CFHR3: variants seen among roughly 807,000 people sequenced by gnomAD.
CFHR3 encodes the protein complement factor H-related protein 3.
Under a neutral mutation model 36.0 loss-of-function variants are expected in CFHR3, and 22 were observed. That is an observed-to-expected ratio of 0.61 (90% CI 0.44 to 0.87). CFHR3 has a LOEUF of 0.87. Ranked by LOEUF, CFHR3 falls within the 40% of genes least tolerant of loss-of-function variation. CFHR3 has a pLI of 0.00. For missense variants in CFHR3, 276 were observed against 401.3 expected, an observed-to-expected ratio of 0.69 and a Z score of 2.67; for synonymous variants, 97 against 137.4, an observed-to-expected ratio of 0.71 and a Z score of 2.06.
intron 3 of CFHR3, 116 bp downstream of exon 3, chr1:196,780,089 C>A: frequency 7.6e-7 from 1 of 1,319,928 alleles, no homozygotes; most frequent in South Asian, 1.4e-5. Context: ...CTTGTTTTGC[C>A]AACGGACCTA....
chr1:196,793,818 C>A lies in CFHR3; in HGVS notation c.*305C>A. 4.6e-6 allele frequency: 1 copy of A among 217,262 alleles called. No homozygotes were observed. The highest frequency in any genetic ancestry group is 8.7e-6 in the Non-Finnish European group (1 of 115,064). The allele number at this position is 217,262 out of a possible 1,614,324, so 13.5% of individuals were successfully genotyped here. A position where few individuals can be genotyped will look rare whatever the true frequency, so the allele number is the denominator to read the frequency against. Reference sequence around the variant, plus strand: ...GGCTTTCTGCATATTGTATAGTATACCTAGACATAGAAACAAAATGACTTT... The same window carrying A: ...GGCTTTCTGCATATTGTATAGTATAACTAGACATAGAAACAAAATGACTTT... On this transcript the variant is annotated 3_prime_UTR_variant, in exon 6 of 6. Coordinates refer to ENST00000367425, the MANE Select transcript of CFHR3 (RefSeq NM_021023.6).
rs1211795836 is a variant in CFHR3, at chr1:196,787,048, T to A, written c.431-1168T>A. Among the ~76,000 whole-genome samples, 8 of 137,684 alleles carry A rather than the reference T, an allele frequency of 5.8e-5. 2 individuals carry two copies. The highest frequency in any genetic ancestry group is 1.1e-4 in the Non-Finnish European group (7 of 64,738). 90.3% of individuals were successfully genotyped at this position (137,684 alleles called of 152,430 possible). On this transcript the variant is annotated intron_variant, in intron 3 of 5. Coordinates refer to ENST00000367425, the MANE Select transcript of CFHR3 (RefSeq NM_021023.6). ...CTTTTACTTTTTAAGTAAAGGGGAC[T>A]CTGAAAATTGTTTGTGTGTATTGTT...
Position 196,788,538 on chromosome 1 carries a change from T to G in CFHR3, c.613+140T>G, listed in dbSNP as rs1159870919. On this transcript the variant is annotated intron_variant, in intron 4 of 5. Transcript: ENST00000367425. ...ACTTCTAAAACCATTCAACATTCTG[T>G]GCCAAATTAAGTCTTTTGCATGTTT... 2.3e-6 allele frequency: 3 copies of G among 1,289,430 alleles called. 1 individual carries two copies. Among genetic ancestry groups the G allele is most frequent in the African/African-American group, 3.8e-5 (2 of 52,652 alleles). 79.9% of individuals were successfully genotyped at this position (1,289,430 alleles called of 1,614,324 possible).
rs369788297 is a variant in CFHR3 at position 196,779,227 on chromosome 1, T to C, written c.124T>C (p.Tyr42His). ...GLFHENMRRP[Y>H]FPVAVGKYYS... The stretch of plus-strand genomic sequence containing the variant: ...ATTTCATGAGAATATGCGTAGACCA[T>C]ACTTTCCAGTAGCTGTAGGAAAATA... Residue 42 changes from tyrosine to histidine, a missense_variant, in exon 2 of 6, where the codon TAC becomes CAC. Tyr to His is a moderately conservative substitution (Grantham distance 83). Coordinates refer to ENST00000367425, the MANE Select transcript of CFHR3 (RefSeq NM_021023.6). 6 of 1,529,202 alleles carry C rather than the reference T, an allele frequency of 3.9e-6. No individual in the cohort carries two copies. The highest frequency in any genetic ancestry group is 4.4e-6 in the Non-Finnish European group (5 of 1,129,454). The allele number at this position is 1,529,202 out of a possible 1,614,324, so 94.7% of individuals were successfully genotyped here. A position where few individuals can be genotyped will look rare whatever the true frequency, so the allele number is the denominator to read the frequency against.
rs552840283 is a variant in CFHR3 at position 196,789,233 on chromosome 1, T to C, written c.614-812T>C. The C allele has an allele frequency of 3.9e-5, 33 of 842,714 alleles. 3 individuals are homozygous for C. The highest frequency in any genetic ancestry group is 2.6e-4 in the African/African-American group (11 of 42,436). 52.2% of individuals were successfully genotyped at this position (842,714 alleles called of 1,614,324 possible). On this transcript the variant is annotated intron_variant, in intron 4 of 5. Coordinates refer to ENST00000367425, the MANE Select transcript of CFHR3 (RefSeq NM_021023.6). Reference sequence around the variant, plus strand: ...AAGGGTACAATTCAACTATTTTTAGTCATGAGATAATATGGAACCTTGATA... The same window carrying C: ...AAGGGTACAATTCAACTATTTTTAGCCATGAGATAATATGGAACCTTGATA...
intron 1 of CFHR3, among the ~76,000 whole-genome samples, chr1:196,776,311 T>C (rs364320): frequency 0.28 from 37,680 of 135,490 alleles, 10,608 homozygotes; most frequent in East Asian, 0.5. Context: ...AAATTTGGGT[T>C]GCACCTATAT....
rs1424142661 is a variant in CFHR3, at chr1:196,779,891, T to G, written c.348T>G (p.Pro116=). Residue 116 remains proline, a synonymous_variant, in exon 3 of 6, where the codon CCT becomes CCG. Coordinates refer to ENST00000367425, the MANE Select transcript of CFHR3 (RefSeq NM_021023.6). ...ACTCTACAGAAGTTGCCTGCCATCC[T>G]GGCTACGGTCTTCCAAAAGCGCAGA... ...QGNSTEVACH[P]GYGLPKAQTT... is the part of the protein sequence containing the mutation. 2 of 1,533,626 alleles carry G rather than the reference T, an allele frequency of 1.3e-6. No individual in the cohort carries two copies. The highest frequency in any genetic ancestry group is 1.7e-5 in the Admixed American group (1 of 58,194).
chr1:196,781,072 A>ATAG (rs1241818753), intron 3 of CFHR3, among the ~76,000 whole-genome samples: 1 of 129,294 alleles, frequency 7.7e-6, no homozygotes, highest in Non-Finnish European at 1.6e-5. Flanking sequence ...TGTCCTTGTG[A>ATAG]TAGTTTACTG....
chr1:196,790,557 C>A (rs1182350073), intron 5 of CFHR3, among the ~76,000 whole-genome samples: 1 of 134,682 alleles, frequency 7.4e-6, no homozygotes, highest in African/African-American at 3.1e-5. Flanking sequence ...AACCCCGTAT[C>A]TACAAAAAAT....
rs1175648382 is a variant in CFHR3, at chr1:196,781,415, C to T, written c.430+1442C>T. 5.9e-5 allele frequency among the ~76,000 whole-genome samples: 8 copies of T among 135,230 alleles called. 2 individuals are homozygous for T. Among genetic ancestry groups the T allele is most frequent in the African/African-American group, 6.3e-5 (2 of 31,778 alleles). The allele number at this position is 135,230 out of a possible 152,430, so 88.7% of individuals were successfully genotyped here. Reference sequence around the variant, plus strand: ...ATGGTTGAACTAGTTTACAGTCCCACCAATGGTGTAAAAGTGTTCCTATTT... The same window carrying T: ...ATGGTTGAACTAGTTTACAGTCCCATCAATGGTGTAAAAGTGTTCCTATTT... On this transcript the variant is annotated intron_variant, in intron 3 of 5. Transcript: ENST00000367425.
At chr1:196,780,798 T>G (rs1290634532) in intron 3 of CFHR3, among the ~76,000 whole-genome samples, 2 of 134,366 alleles carry the variant, frequency 1.5e-5, no homozygotes, top group East Asian at 3.9e-4. Context: ...TGGTTCTTTT[T>G]TTATATTTTA....
At position 196,779,344 on chromosome 1, in the gene CFHR3, G is replaced by C; in HGVS notation, c.241G>C (p.Val81Leu). The part of the protein sequence containing the change: ...HCTQNGWSPA[V>L]PCLRKCYFPY... ...CACACAAAATGGGTGGTCACCAGCA[G>C]TACCATGTCTCAGTAAGTAATCCTC... The change falls in exon 2 of 6, where the codon GTA becomes CTA. Residue 81 changes from valine to leucine, a missense_variant. By Grantham distance (32) the Val-to-Leu change is conservative. Coordinates refer to ENST00000367425, the MANE Select transcript of CFHR3 (RefSeq NM_021023.6). The C allele has an allele frequency of 6.6e-7, 1 of 1,512,388 alleles. No homozygotes were observed. The highest frequency in any genetic ancestry group is 9.0e-7 in the Non-Finnish European group (1 of 1,114,970). The allele number at this position is 1,512,388 out of a possible 1,614,324, so 93.7% of individuals were successfully genotyped here.
In CFHR3 at chr1:196,788,405, G is replaced by A. The variant is rs748318693; in HGVS notation, c.613+7G>A. On this transcript the variant is annotated splice_region_variant and intron_variant, in intron 4 of 5. Coordinates refer to ENST00000367425, the MANE Select transcript of CFHR3 (RefSeq NM_021023.6). ...GCACAACCAATTTGCATTAGTAAGTGATTTACATATTCCCATTCAGTTTCT... is the reference window on the plus strand; with the variant it reads ...GCACAACCAATTTGCATTAGTAAGTAATTTACATATTCCCATTCAGTTTCT... The A allele has an allele frequency of 1.2e-5, 19 of 1,527,234 alleles. 4 individuals carry two copies. Among genetic ancestry groups the A allele is most frequent in the Non-Finnish European group, 1.7e-5 (19 of 1,131,204 alleles). The allele number at this position is 1,527,234 out of a possible 1,614,324, so 94.6% of individuals were successfully genotyped here. A position where few individuals can be genotyped will look rare whatever the true frequency, so the allele number is the denominator to read the frequency against.
chr1:196,784,851 G>A (rs1230166115), intron 3 of CFHR3, among the ~76,000 whole-genome samples: 1 of 133,842 alleles, frequency 7.5e-6, no homozygotes, highest in African/African-American at 3.2e-5. Flanking sequence ...TCATTATGAT[G>A]TTAGCTGGTT....
rs1485472239 is a variant in CFHR3, at chr1:196,780,202, A to C, written c.430+229A>C. Among the ~76,000 whole-genome samples, 4 of 137,884 alleles carry C rather than the reference A, an allele frequency of 2.9e-5. 1 individual carries two copies. Among genetic ancestry groups the C allele is most frequent in the African/African-American group, 1.2e-4 (4 of 33,238 alleles). 90.5% of individuals were successfully genotyped at this position (137,884 alleles called of 152,430 possible). A position where few individuals can be genotyped will look rare whatever the true frequency, so the allele number is the denominator to read the frequency against. ...GGGCATTAGTCAAGAATACAGTAAA[A>C]GAATTAGAACACAATACTTGTTGGC... On this transcript the variant is annotated intron_variant, in intron 3 of 5. Transcript: ENST00000367425.
chr1:196,789,053 C>A (rs1654320113), intron 4 of CFHR3: 2 of 1,174,826 alleles, frequency 1.7e-6, no homozygotes, highest in Non-Finnish European at 2.1e-6. Flanking sequence ...AAAGAGAATG[C>A]ATAATGAACA....
intron 2 of CFHR3, 44 bp downstream of exon 2, chr1:196,779,400 A>C (rs1368852382): frequency 7.7e-7 from 1 of 1,295,806 alleles, no homozygotes; most frequent in Non-Finnish European, 1.1e-6. Flanking sequence ...AAACTTTAAA[A>C]GATTAAAGAG....
rs530601203 is a variant in CFHR3, at chr1:196,795,322, T to TACTCATTC, written c.*1812_*1819dup. 9.0e-4 allele frequency: 124 copies of TACTCATTC among 137,356 alleles called. 15 individuals are homozygous for TACTCATTC. The East Asian group carries it at 0.022, about 24-fold the overall frequency. 8.5% of individuals were successfully genotyped at this position (137,356 alleles called of 1,614,324 possible). A position where few individuals can be genotyped will look rare whatever the true frequency, so the allele number is the denominator to read the frequency against. ...GCCACCATGTAAGATGTACCTTTGC[T>TACTCATTC]ACTCATTCACCTTCTGTCATGATGG... On this transcript the variant is annotated 3_prime_UTR_variant, in exon 6 of 6. Transcript: ENST00000367425.
rs867679888 is a variant in CFHR3 at position 196,794,695 on chromosome 1, T to G, written c.*1182T>G. The G allele has an allele frequency of 9.4e-6, 3 of 318,684 alleles. 1 individual carries two copies. The highest frequency in any genetic ancestry group is 8.7e-5 in the South Asian group (3 of 34,574). The allele number at this position is 318,684 out of a possible 1,614,324, so 19.7% of individuals were successfully genotyped here. On this transcript the variant is annotated 3_prime_UTR_variant, in exon 6 of 6. Coordinates refer to ENST00000367425, the MANE Select transcript of CFHR3 (RefSeq NM_021023.6). ...CTTTTCTTTGTATATAAGGATTTTT[T>G]GAAAAGATTGTATATCCCTGTTAAC... is the stretch of plus-strand genomic sequence containing the variant.
Sources: allele counts gnomAD v4.1 joint callset (sites outside exome capture counted in the v4.1 genomes callset), GRCh38; gene constraint gnomAD v4.1.1; transcripts MANE v1.5; gene names NCBI Gene and HGNC (gene_info 2026-07-23, HGNC 2026-07-21).